The following ZFAT variants were observed in gnomAD, a reference collection of about 807,000 sequenced individuals.
ZFAT encodes the protein zinc finger protein ZFAT.
In ZFAT, 64 loss-of-function variants were observed where a neutral mutation model predicts 117.7. That is an observed-to-expected ratio of 0.54 (90% CI 0.44 to 0.67). The LOEUF (loss-of-function observed/expected upper bound fraction) is 0.67. ZFAT is among the 30% of genes least tolerant of loss of function. ZFAT has a pLI of 0.00. For missense variants in ZFAT, 1,433 were observed against 1,584.5 expected, an observed-to-expected ratio of 0.90 and a Z score of 1.62; for synonymous variants, 679 against 615.0, an observed-to-expected ratio of 1.10 and a Z score of -1.54.
At chr8:134,683,412 A>C (rs567696171) in intron 1 of ZFAT, among the ~76,000 whole-genome samples, 6 of 152,234 alleles carry the variant, frequency 3.9e-5, no homozygotes, top group Non-Finnish European at 8.8e-5. Context: ...GCGCATCTAC[A>C]TATGAACATA....
At chr8:134,627,751 T>C (rs930415823) in intron 3 of ZFAT, among the ~76,000 whole-genome samples, 5 of 152,372 alleles carry the variant, frequency 3.3e-5, no homozygotes, top group Admixed American at 6.5e-5. Flanking sequence ...GAGCACTTGC[T>C]GTGTGCCCGG....
At chr8:134,718,731 G>A in the ZFAT span, among the ~76,000 whole-genome samples, 1 of 152,210 alleles carries the variant, frequency 6.6e-6, no homozygotes, top group African/African-American at 2.4e-5. Context: ...AGGGAAAGAT[G>A]CAGTAAGGGA....
chr8:134,791,689 T>C, the ZFAT span, among the ~76,000 whole-genome samples: 1 of 152,226 alleles, frequency 6.6e-6, no homozygotes, highest in Non-Finnish European at 1.5e-5. Flanking sequence ...ACTACTTAAA[T>C]TGCCATAAAA....
chr8:134,712,250 T>A (rs1201144413), intron 1 of ZFAT, among the ~76,000 whole-genome samples: 3 of 152,190 alleles, frequency 2.0e-5, no homozygotes, highest in African/African-American at 7.2e-5. Flanking sequence ...ATAAATGACC[T>A]ACAAATTAGA....
chr8:134,481,492 C>A (rs1305248571), intron 15 of ZFAT, among the ~76,000 whole-genome samples: 1 of 152,200 alleles, frequency 6.6e-6, no homozygotes, highest in Non-Finnish European at 1.5e-5. Context: ...GACAGTGACT[C>A]CTTCACTGAT....
At chr8:134,811,776 C>CT in the ZFAT span, among the ~76,000 whole-genome samples, 2 of 152,204 alleles carry the variant, frequency 1.3e-5, no homozygotes, top group African/African-American at 2.4e-5. Context: ...GCTTTACAGT[C>CT]TGACAGAACT....
chr8:134,589,041 T>G (rs1196392569), intron 8 of ZFAT, among the ~76,000 whole-genome samples: 1 of 152,198 alleles, frequency 6.6e-6, no homozygotes, highest in Non-Finnish European at 1.5e-5. Flanking sequence ...GAAAAAGAGT[T>G]TGACAAAATG....
At chr8:134,586,885 T>C (rs549546183) in intron 9 of ZFAT, among the ~76,000 whole-genome samples, 6 of 152,292 alleles carry the variant, frequency 3.9e-5, no homozygotes, top group African/African-American at 1.2e-4. Flanking sequence ...GCAAATTACT[T>C]CACCTCTCTA....
At chr8:134,498,438 C>T (rs371094715) in intron 15 of ZFAT, among the ~76,000 whole-genome samples, 40 of 7,502 alleles carry the variant, frequency 5.3e-3, no homozygotes, top group Admixed American at 7.6e-3. Context: ...TTGGTAGGGT[C>T]GGGGTGGAGC....
At chr8:134,769,540 G>T in the ZFAT span, among the ~76,000 whole-genome samples, 1 of 152,164 alleles carries the variant, frequency 6.6e-6, no homozygotes, top group African/African-American at 2.4e-5. Context: ...TACTTTCATT[G>T]GATGGTGTTG....
At chr8:134,829,074 TAA>T in the ZFAT span, among the ~76,000 whole-genome samples, 7 of 152,204 alleles carry the variant, frequency 4.6e-5, no homozygotes, top group Non-Finnish European at 1.0e-4. Flanking sequence ...GATACTCCAC[TAA>T]CTAAACTACC....
chr8:134,541,358 C>T (rs1290738178), intron 11 of ZFAT, among the ~76,000 whole-genome samples: 2 of 152,130 alleles, frequency 1.3e-5, no homozygotes, highest in South Asian at 2.1e-4. Flanking sequence ...AGTACACGAA[C>T]ACGCTCAGCC....
the ZFAT span, among the ~76,000 whole-genome samples, chr8:134,719,577 G>A: frequency 2.0e-5 from 3 of 152,256 alleles, no homozygotes; most frequent in East Asian, 5.8e-4. Context: ...TCTGTAAAAG[G>A]GCACTGGTGG....
Position 134,602,760 on chromosome 8 carries a change from T to C in ZFAT, c.959A>G (p.Lys320Arg), listed in dbSNP as rs781205983. ...IKANLNVHLR[K>R]HTGEKFACDY... ...GCAGGCGAACTTCTCTCCAGTGTGC[T>C]TGCGCAGGTGCACATTGAGGTTGGC... is the stretch of plus-strand genomic sequence containing the variant. The change falls in exon 6 of 16, where the codon AAG becomes AGG. Residue 320 changes from lysine to arginine, a missense_variant. Around this residue, in one of 5 missense-constraint regions of ZFAT, gnomAD observed 436 missense variants for 482.0 expected, o/e 0.90. Coordinates refer to ENST00000377838, the MANE Select transcript of ZFAT (RefSeq NM_020863.4). The C allele has an allele frequency of 2.6e-5, 42 of 1,613,636 alleles. No individual in the cohort carries two copies. Among genetic ancestry groups the C allele is most frequent in the Non-Finnish European group, 3.4e-5 (40 of 1,179,712 alleles).
In ZFAT at chr8:134,538,653, CGGGCAT is replaced by C. The variant is rs368386696; in HGVS notation, c.2977-5687_2977-5682del. On this transcript the variant is annotated intron_variant, in intron 11 of 15. Coordinates refer to ENST00000377838, the MANE Select transcript of ZFAT (RefSeq NM_020863.4). ...CTCTACTAAAAATACAAAAATTAGCCGGGCATGGTGGTACATGCCTGTAGTCCCAGC... is the reference window on the plus strand; with the variant it reads ...CTCTACTAAAAATACAAAAATTAGCCGGTGGTACATGCCTGTAGTCCCAGC... 1.5e-3 allele frequency among the ~76,000 whole-genome samples: 233 copies of C among 151,892 alleles called. 1 individual carries two copies. The highest frequency in any genetic ancestry group is 5.2e-3 in the African/African-American group (214 of 41,436).
At chr8:134,685,751 G>A (rs906703615) in intron 1 of ZFAT, among the ~76,000 whole-genome samples, 11 of 152,180 alleles carry the variant, frequency 7.2e-5, no homozygotes, top group Non-Finnish European at 1.3e-4. Flanking sequence ...CGACATATAC[G>A]TGCTAACATC....
intron 1 of ZFAT, among the ~76,000 whole-genome samples, chr8:134,702,634 G>A (rs1041140965): frequency 6.6e-6 from 1 of 151,456 alleles, no homozygotes; most frequent in African/African-American, 2.4e-5. Flanking sequence ...CCACAGCCAT[G>A]TGGAACTGTG....
intron 2 of ZFAT, among the ~76,000 whole-genome samples, chr8:134,656,898 G>T (rs867094280): frequency 6.6e-6 from 1 of 152,102 alleles, no homozygotes; most frequent in Non-Finnish European, 1.5e-5. Flanking sequence ...CTGCTGCATC[G>T]GATAACCACA....
At chr8:134,777,374 T>C in the ZFAT span, among the ~76,000 whole-genome samples, 1 of 152,208 alleles carries the variant, frequency 6.6e-6, no homozygotes, top group Admixed American at 6.5e-5. Context: ...TTGACTCTGT[T>C]AATAAGGTTT....
Sources: allele counts gnomAD v4.1 joint callset (sites outside exome capture counted in the v4.1 genomes callset), GRCh38; gene constraint gnomAD v4.1.1; regional missense constraint gnomAD v4.1.1; transcripts MANE v1.5; gene names NCBI Gene and HGNC (gene_info 2026-07-23, HGNC 2026-07-21).